APOBEC3F: variants seen among roughly 807,000 people sequenced by gnomAD.
The protein encoded by APOBEC3F is DNA dC->dU-editing enzyme APOBEC-3F.
In APOBEC3F, 34 loss-of-function variants were observed where a neutral mutation model predicts 45.8. That is an observed-to-expected ratio of 0.74 (90% CI 0.57 to 0.99). APOBEC3F has a LOEUF of 0.99. APOBEC3F is among the 50% of genes least tolerant of loss of function. The probability of loss-of-function intolerance (pLI) is 0.00; values close to 1 mark genes in which losing one functional copy is unlikely to be tolerated. For synonymous variants in APOBEC3F, 192 were observed against 174.4 expected, an observed-to-expected ratio of 1.10 and a Z score of -0.80; for missense variants, 459 against 474.1, an observed-to-expected ratio of 0.97 and a Z score of 0.30.
chr22:39,045,384 A>G, intron 3 of APOBEC3F, 44 bp from the exon 4 acceptor site: 1 of 1,613,712 alleles, frequency 6.2e-7, no homozygotes, highest in Non-Finnish European at 8.5e-7. Context: ...GCGCGGGCCC[A>G]GGGTCAGGGC....
chr22:39,052,839 T>C lies in APOBEC3F; in HGVS notation c.*144T>C. 2 of 1,468,522 alleles carry C rather than the reference T, an allele frequency of 1.4e-6. No individual in the cohort carries two copies. The highest frequency in any genetic ancestry group is 1.5e-5 in the South Asian group (1 of 68,754). 91.0% of individuals were successfully genotyped at this position (1,468,522 alleles called of 1,614,324 possible). On this transcript the variant is annotated 3_prime_UTR_variant, in exon 7 of 7. Transcript: ENST00000308521. ...TCAGGGCCATTCCATAGTGCTCCCCTGCCTCACCACCTCCTCTCCGCTCTC... is the reference window on the plus strand; with the variant it reads ...TCAGGGCCATTCCATAGTGCTCCCCCGCCTCACCACCTCCTCTCCGCTCTC...
intron 2 of APOBEC3F, among the ~76,000 whole-genome samples, chr22:39,043,426 G>C (rs1343468093): frequency 6.6e-6 from 1 of 150,412 alleles, no homozygotes; most frequent in African/African-American, 2.4e-5. Flanking sequence ...TAAGACTCCC[G>C]AGTAGCTGGG....
At position 39,054,134 on chromosome 22, in the gene APOBEC3F, T is replaced by C. The variant is rs1927618968; in HGVS notation, c.*1439T>C. The stretch of plus-strand genomic sequence containing the variant: ...TTCAAGTGATTCTCCTGTCTCAGCC[T>C]CCCGAGTAGCTGGGATTACAGGCGT... On this transcript the variant is annotated 3_prime_UTR_variant, in exon 7 of 7. Transcript: ENST00000308521. Among the ~76,000 whole-genome samples the C allele has an allele frequency of 6.6e-6, 1 of 152,104 alleles. No individual in the cohort carries two copies. Among genetic ancestry groups the C allele is most frequent in the Non-Finnish European group, 1.5e-5 (1 of 68,002 alleles).
At position 39,052,657 on chromosome 22, in the gene APOBEC3F, C is replaced by A; in HGVS notation, c.1084C>A (p.Leu362Ile). 1.2e-6 allele frequency: 2 copies of A among 1,614,140 alleles called. No homozygotes were observed. The highest frequency in any genetic ancestry group is 1.7e-6 in the Non-Finnish European group (2 of 1,179,996). Residue 362 changes from leucine (L) to isoleucine (I), a missense_variant, in exon 7 of 7, where the codon CTA becomes ATA. Transcript: ENST00000308521. ...KPWKGLKYNFLFLDSKLQEIL... is the reference protein window; with the variant it reads ...KPWKGLKYNFIFLDSKLQEIL... Reference sequence around the variant, plus strand: ...TTGGAAAGGACTAAAATACAACTTTCTATTCCTGGACAGCAAGCTGCAGGA... The same window carrying A: ...TTGGAAAGGACTAAAATACAACTTTATATTCCTGGACAGCAAGCTGCAGGA...
intron 2 of APOBEC3F, among the ~76,000 whole-genome samples, chr22:39,044,675 G>A (rs1348183858): frequency 3.9e-5 from 6 of 152,116 alleles, no homozygotes; most frequent in South Asian, 2.1e-4. Context: ...GAATAAACAC[G>A]CCAGTAGCAC....
In APOBEC3F at chr22:39,052,139, G is replaced by T; in HGVS notation, c.789G>T (p.Leu263=). 1 of 1,613,784 alleles carries T rather than the reference G, an allele frequency of 6.2e-7. No individual in the cohort carries two copies. The highest frequency in any genetic ancestry group is 1.1e-5 in the South Asian group (1 of 91,070). The change falls in exon 6 of 7, where the codon CTG becomes CTT. Residue 263 remains leucine, a synonymous_variant. Transcript: ENST00000308521. ...TCTCTTGGTTCTGTGACGACATACT[G>T]TCTCCTAACACAAACTACGAGGTCA... ...CFLSWFCDDI[L]SPNTNYEVTW...
intron 5 of APOBEC3F, among the ~76,000 whole-genome samples, chr22:39,050,582 A>G (rs1410589362): frequency 4.6e-5 from 7 of 151,278 alleles, no homozygotes; most frequent in Non-Finnish European, 8.8e-5. Context: ...TAGTGTCTGC[A>G]TTAGCTCAAT....
intron 2 of APOBEC3F, chr22:39,044,337 C>T: frequency 7.1e-7 from 1 of 1,410,196 alleles, no homozygotes; most frequent in East Asian, 2.6e-5. Context: ...CGAAGGGAAG[C>T]TCATGTCTTG....
At chr22:39,041,236 C>T (rs541921767) in intron 1 of APOBEC3F, among the ~76,000 whole-genome samples, 7 of 151,848 alleles carry the variant, frequency 4.6e-5, no homozygotes, top group African/African-American at 1.7e-4. Flanking sequence ...CACCGAAAGT[C>T]ATGGCAGGGC....
chr22:39,053,941 T>C lies in APOBEC3F; in HGVS notation c.*1246T>C, dbSNP rs150732890. The C allele has an allele frequency of 1.3e-5, 2 of 152,332 alleles. No homozygotes were observed. The highest frequency in any genetic ancestry group is 2.9e-5 in the Non-Finnish European group (2 of 68,036). The allele number at this position is 152,332 out of a possible 1,614,324, so 9.4% of individuals were successfully genotyped here. On this transcript the variant is annotated 3_prime_UTR_variant, in exon 7 of 7. Coordinates refer to ENST00000308521, the MANE Select transcript of APOBEC3F (RefSeq NM_145298.6). ...TGCTATAATCGCAGCTATTCAGCAATGGAACCTCCCAGTTCCCAACCCTTC... is the reference window on the plus strand; with the variant it reads ...TGCTATAATCGCAGCTATTCAGCAACGGAACCTCCCAGTTCCCAACCCTTC...
intron 2 of APOBEC3F, chr22:39,044,387 G>C (rs1193934246): frequency 7.3e-7 from 1 of 1,378,940 alleles, no homozygotes; most frequent in Non-Finnish European, 9.4e-7. Flanking sequence ...GGACTGAGAT[G>C]GGGACATTTA....
intron 4 of APOBEC3F, among the ~76,000 whole-genome samples, chr22:39,046,923 A>G (rs960018115): frequency 2.0e-5 from 3 of 152,166 alleles, no homozygotes; most frequent in Non-Finnish European, 4.4e-5. Context: ...AGGCAACCAG[A>G]GACCAGAGAG....
chr22:39,043,796 A>C (rs1334031317), intron 2 of APOBEC3F, among the ~76,000 whole-genome samples: 1 of 151,342 alleles, frequency 6.6e-6, no homozygotes, highest in Non-Finnish European at 1.5e-5. Context: ...AGGTGGGTGG[A>C]TCACCTGAGG....
Position 39,047,886 on chromosome 22 carries a change from C to T in APOBEC3F, c.567-1539C>T, listed in dbSNP as rs191764859. ...TTGGAGCAATCAGGCATTTTGTTCT[C>T]AGCACTTCCATGGAATTTCTGCAAG... On this transcript the variant is annotated intron_variant, in intron 4 of 6. Transcript: ENST00000308521. Among the ~76,000 whole-genome samples, 4 of 152,284 alleles carry T rather than the reference C, an allele frequency of 2.6e-5. No homozygotes were observed. The East Asian group carries it at 7.7e-4, about 29-fold the overall frequency.
chr22:39,052,549 T>C, intron 6 of APOBEC3F, 28 bp from the exon 7 acceptor site: 1 of 1,602,474 alleles, frequency 6.2e-7, no homozygotes, highest in Non-Finnish European at 8.5e-7. Context: ...TGCTGGGCCC[T>C]CACTGCTTTC....
intron 2 of APOBEC3F, 44 bp downstream of exon 2, chr22:39,043,134 A>G: frequency 6.2e-7 from 1 of 1,608,054 alleles, no homozygotes; most frequent in South Asian, 1.1e-5. Flanking sequence ...GAGCTAAGCC[A>G]GCTGGGAAAG....
chr22:39,055,826 G>A lies in APOBEC3F; in HGVS notation c.*3131G>A, dbSNP rs898680194. 3.3e-5 allele frequency among the ~76,000 whole-genome samples: 5 copies of A among 151,962 alleles called. No individual in the cohort carries two copies. Among genetic ancestry groups the A allele is most frequent in the Admixed American group, 6.6e-5 (1 of 15,248 alleles). ...GTAGCCCCCCAGTCACGTAGCCCAC[G>A]CTTGCACAATCTATCACGACCCTTT... is the stretch of plus-strand genomic sequence containing the variant. On this transcript the variant is annotated 3_prime_UTR_variant, in exon 7 of 7. Transcript: ENST00000308521.
rs1487426111 is a variant in APOBEC3F, at chr22:39,052,367, G to A, written c.1003+14G>A. The A allele has an allele frequency of 6.2e-7, 1 of 1,613,064 alleles. No homozygotes were observed. Among genetic ancestry groups the A allele is most frequent in the Non-Finnish European group, 8.5e-7 (1 of 1,179,092 alleles). ...TGGGCTACAAAGGTGAGACGTTGGG[G>A]GGCTGAGGAGAGTGGGTGCGGGAGG... On this transcript the variant is annotated intron_variant, in intron 6 of 6. Transcript: ENST00000308521.
In APOBEC3F at chr22:39,054,373, A is replaced by G. The variant is rs569378964; in HGVS notation, c.*1678A>G. 7.9e-5 allele frequency among the ~76,000 whole-genome samples: 12 copies of G among 152,330 alleles called. No individual in the cohort carries two copies. Among genetic ancestry groups the G allele is most frequent in the African/African-American group, 2.6e-4 (11 of 41,564 alleles). On this transcript the variant is annotated 3_prime_UTR_variant, in exon 7 of 7. Transcript: ENST00000308521. Reference sequence around the variant, plus strand: ...AAGCCTCCCAAGTAGCTGGGATTACATGCGCGTGCCACCACGCCTAGCTAA... The same window carrying G: ...AAGCCTCCCAAGTAGCTGGGATTACGTGCGCGTGCCACCACGCCTAGCTAA...
Sources: gnomAD v4.1 joint callset for allele counts (sites outside exome capture counted in the v4.1 genomes callset) on GRCh38, gnomAD v4.1.1 for gene constraint, MANE v1.5 for transcripts, NCBI Gene and HGNC (gene_info 2026-07-23, HGNC 2026-07-21) for gene names.